Variants in MTHFD2L observed in about 807,000 individuals in gnomAD.
MTHFD2L encodes methylenetetrahydrofolate dehydrogenase (NADP+ dependent) 2 like, also known as bifunctional methylenetetrahydrofolate dehydrogenase/cyclohydrolase 2, mitochondrial.
MTHFD2L carries 29 observed loss-of-function variants against 34.9 expected under a neutral mutation model. The ratio of observed to expected loss-of-function variants is 0.83; its 90% confidence interval spans 0.62 to 1.13. The LOEUF is 1.13. Among genes scored for constraint, MTHFD2L ranks in the 50% most tolerant of loss-of-function variants. MTHFD2L has a pLI of 0.00. For synonymous variants in MTHFD2L, 167 were observed against 155.7 expected (o/e 1.07, Z -0.54); for missense variants, 481 against 446.5 (o/e 1.08, Z -0.70).
chr4:74,200,189 G>A (rs1734185431), intron 4 of MTHFD2L, among the ~76,000 whole-genome samples: 1 of 152,142 alleles, frequency 6.6e-6, no homozygotes, highest in Admixed American at 6.6e-5. Flanking sequence ...GCGGGCACCT[G>A]TAGTCCCAGC....
intron 6 of MTHFD2L, among the ~76,000 whole-genome samples, chr4:74,261,567 C>T (rs1377110293): frequency 6.6e-6 from 1 of 151,914 alleles, no homozygotes. Flanking sequence ...AATTCCATAC[C>T]ATCCAAAGGC....
intron 1 of MTHFD2L, among the ~76,000 whole-genome samples, chr4:74,158,714 C>T (rs1365364773): frequency 1.3e-5 from 2 of 152,176 alleles, no homozygotes; most frequent in East Asian, 1.9e-4. Context: ...ATAGTGTTGT[C>T]TAAGTCTTTT....
rs914242577 is a variant in MTHFD2L at position 74,132,599 on chromosome 4, G to A, written c.-297+7082G>A. 6.6e-5 allele frequency among the ~76,000 whole-genome samples: 10 copies of A among 152,078 alleles called. No homozygotes were observed. The South Asian group carries it at 1.2e-3, about 19-fold the overall frequency. ...ACCAGGGCCTGTCAGAGGGTGGGGC[G>A]CTAAGGGAGGGACACCATTAGGAGA... is the stretch of plus-strand genomic sequence containing the variant. On this transcript the variant is annotated intron_variant, in intron 1 of 7. Coordinates refer to the MTHFD2L transcript ENST00000433372.
chr4:74,223,636 T>TAAAA (rs1318726199), intron 5 of MTHFD2L, among the ~76,000 whole-genome samples: 1 of 16,302 alleles, frequency 6.1e-5, no homozygotes, highest in Non-Finnish European at 4.1e-4. Flanking sequence ...TAAAAACAAA[T>TAAAA]AAAAATAAAT....
intron 1 of MTHFD2L, among the ~76,000 whole-genome samples, chr4:74,163,075 ATTTT>A (rs55820846): frequency 2.6e-5 from 4 of 151,866 alleles, no homozygotes; most frequent in Non-Finnish European, 5.9e-5. Flanking sequence ...TAAATTGAGC[ATTTT>A]TTTTTTTCCA....
chr4:74,241,539 G>A (rs1006439375), intron 6 of MTHFD2L: 15 of 438,356 alleles, frequency 3.4e-5, no homozygotes, highest in Non-Finnish European at 5.9e-5. Context: ...ACACCACCAT[G>A]CGTAGCTAAT....
At chr4:74,167,760 C>T (rs952609811) in intron 1 of MTHFD2L, among the ~76,000 whole-genome samples, 4 of 152,124 alleles carry the variant, frequency 2.6e-5, no homozygotes, top group African/African-American at 7.2e-5. Flanking sequence ...GTGTGTAGTG[C>T]GCGACTCACT....
intron 6 of MTHFD2L, among the ~76,000 whole-genome samples, chr4:74,240,143 C>T (rs887964283): frequency 5.3e-5 from 8 of 152,210 alleles, no homozygotes; most frequent in African/African-American, 1.9e-4. Context: ...AATTTTATGA[C>T]GTTATAGTGG....
chr4:74,155,714 T>C, upstream of MTHFD2L, among the ~76,000 whole-genome samples: 1 of 152,104 alleles, frequency 6.6e-6, no homozygotes, highest in Admixed American at 6.5e-5. Flanking sequence ...ATATAAAGGG[T>C]AAATAGAATC....
chr4:74,251,153 T>TACA (rs1225869593), intron 6 of MTHFD2L, among the ~76,000 whole-genome samples: 3 of 152,240 alleles, frequency 2.0e-5, no homozygotes, highest in Non-Finnish European at 4.4e-5. Context: ...AATAGTATGC[T>TACA]GGGTTAAGCC....
intron 7 of MTHFD2L, among the ~76,000 whole-genome samples, chr4:74,297,046 AAC>A (rs1749717995): frequency 6.6e-6 from 1 of 152,090 alleles, no homozygotes; most frequent in Admixed American, 6.6e-5. Flanking sequence ...TGTACAACTG[AAC>A]ACACACCCTA....
At chr4:74,142,013 C>G (rs2109835299) in intron 1 of MTHFD2L, among the ~76,000 whole-genome samples, 1 of 152,208 alleles carries the variant, frequency 6.6e-6, no homozygotes, top group East Asian at 1.9e-4. Flanking sequence ...CTAAGCTGGG[C>G]TCACATTAGA....
At chr4:74,266,973 G>T in intron 6 of MTHFD2L, 2 of 985,396 alleles carry the variant, frequency 2.0e-6, no homozygotes, top group Non-Finnish European at 2.4e-6. Context: ...TGGACTAATT[G>T]GTTTTTCAAG....
intron 5 of MTHFD2L, among the ~76,000 whole-genome samples, chr4:74,217,099 C>T (rs141106814): frequency 6.6e-6 from 1 of 151,958 alleles, no homozygotes; most frequent in East Asian, 1.9e-4. Flanking sequence ...GACCCCTGCC[C>T]TAGCCATATC....
chr4:74,276,903 G>T (rs1746725359), intron 6 of MTHFD2L, among the ~76,000 whole-genome samples: 1 of 151,920 alleles, frequency 6.6e-6, no homozygotes, highest in South Asian at 2.1e-4. Context: ...CTTCAGAAAT[G>T]AATTACTTGG....
At chr4:74,231,661 G>T (rs1740084611) in intron 6 of MTHFD2L, among the ~76,000 whole-genome samples, 1 of 152,042 alleles carries the variant, frequency 6.6e-6, no homozygotes. Flanking sequence ...AGAATTCCAG[G>T]ATTTAAATTC....
At chr4:74,268,051 C>T in intron 6 of MTHFD2L, 4 of 984,830 alleles carry the variant, frequency 4.1e-6, no homozygotes, top group Non-Finnish European at 4.8e-6. Context: ...CAGATAGGAA[C>T]CAAAGAAGCC....
At position 74,183,919 on chromosome 4, in the gene MTHFD2L, C is replaced by A. The variant is rs369176884; in HGVS notation, c.451+8516C>A. ...AACATACAATTAAAATGTATGGCAA[C>A]AATAGCACAAAAGTTTGTATGGAAG... is the stretch of plus-strand genomic sequence containing the variant. On this transcript the variant is annotated intron_variant, in intron 3 of 7. Transcript: ENST00000325278. The A allele has an allele frequency of 1.3e-4, 20 of 152,020 alleles. 1 individual carries two copies. Among genetic ancestry groups the A allele is most frequent in the African/African-American group, 4.3e-4 (18 of 41,474 alleles). 9.4% of individuals were successfully genotyped at this position (152,020 alleles called of 1,614,324 possible). A position where few individuals can be genotyped will look rare whatever the true frequency, so the allele number is the denominator to read the frequency against.
chr4:74,156,234 A>G (rs1437262303), upstream of MTHFD2L, among the ~76,000 whole-genome samples: 1 of 152,088 alleles, frequency 6.6e-6, no homozygotes, highest in East Asian at 1.9e-4. Flanking sequence ...ACACTATTCA[A>G]ACCTCCACCC....
Sources: allele counts gnomAD v4.1 joint callset (sites outside exome capture counted in the v4.1 genomes callset), GRCh38; gene constraint gnomAD v4.1.1; transcripts MANE v1.5; gene names NCBI Gene and HGNC (gene_info 2026-07-23, HGNC 2026-07-21).